The following ZBTB7C variants were observed in gnomAD, a reference collection of about 807,000 sequenced individuals.
ZBTB7C encodes zinc finger and BTB domain containing 7C, also known as zinc finger and BTB domain-containing protein 7C.
In ZBTB7C, 8 loss-of-function variants were observed where a neutral mutation model predicts 25.7. The ratio of observed to expected loss-of-function variants is 0.31; its 90% CI spans 0.18 to 0.56. The LOEUF is 0.56. Ranked by LOEUF, ZBTB7C falls within the 20% of genes least tolerant of loss-of-function variation. The probability of loss-of-function intolerance (pLI) is 0.91; values close to 1 mark genes in which losing one functional copy is unlikely to be tolerated. For missense variants in ZBTB7C, 824 were observed against 855.2 expected (o/e 0.96, Z 0.46); for synonymous variants, 394 against 369.0 (o/e 1.07, Z -0.78).
chr18:48,243,382 C>T (rs1191017593), intron 2 of ZBTB7C, among the ~76,000 whole-genome samples: 1 of 151,486 alleles, frequency 6.6e-6, no homozygotes, highest in Non-Finnish European at 1.5e-5. Context: ...CAACAGTGAC[C>T]AAGTTGAGAA....
Position 48,040,798 on chromosome 18 carries a change from C to T in ZBTB7C, c.310G>A (p.Val104Ile). ...TSTLTITAGN[V>I]KHILNAARML... is the part of the protein sequence containing the mutation. The stretch of plus-strand genomic sequence containing the variant: ...CTGGCTGCGTTGAGGATGTGCTTGA[C>T]ATTGCCAGCGGTGATGGTGAGCGTG... The change falls in exon 4 of 5, where the codon GTC becomes ATC. Residue 104 changes from valine (V) to isoleucine (I), a missense_variant. By Grantham distance (29) the Val-to-Ile change is conservative. Coordinates refer to ENST00000590800, the MANE Select transcript of ZBTB7C (RefSeq NM_001318841.2). The T allele has an allele frequency of 6.2e-7, 1 of 1,614,056 alleles. No homozygotes were observed. The highest frequency in any genetic ancestry group is 2.2e-5 in the East Asian group (1 of 44,860).
chr18:48,063,270 C>T (rs1264491544), intron 3 of ZBTB7C, among the ~76,000 whole-genome samples: 1 of 152,244 alleles, frequency 6.6e-6, no homozygotes, highest in Non-Finnish European at 1.5e-5. Flanking sequence ...GATCATGTGA[C>T]ATCAGCTCCA....
chr18:48,136,906 G>T, intron 3 of ZBTB7C: 1 of 938,618 alleles, frequency 1.1e-6, no homozygotes, highest in Non-Finnish European at 1.3e-6. Context: ...CCGGCCGCCC[G>T]GAAGGGCTTC....
chr18:48,338,634 C>T (rs759172797), intron 1 of ZBTB7C, among the ~76,000 whole-genome samples: 8 of 152,140 alleles, frequency 5.3e-5, no homozygotes, highest in East Asian at 3.9e-4. Flanking sequence ...TGCACACACA[C>T]GCCCTTCATT....
chr18:48,046,427 T>C (rs2036471501), intron 3 of ZBTB7C, among the ~76,000 whole-genome samples: 1 of 152,220 alleles, frequency 6.6e-6, no homozygotes, highest in African/African-American at 2.4e-5. Context: ...GAAAAGACTG[T>C]GTGTAAATGA....
intron 3 of ZBTB7C, among the ~76,000 whole-genome samples, chr18:48,066,662 A>G (rs1178204640): frequency 6.6e-6 from 1 of 152,142 alleles, no homozygotes; most frequent in African/African-American, 2.4e-5. Context: ...TGTTCCTGAG[A>G]TCTTCAAATG....
intron 2 of ZBTB7C, among the ~76,000 whole-genome samples, chr18:48,237,627 T>C (rs1348757219): frequency 1.3e-5 from 2 of 151,826 alleles, no homozygotes; most frequent in Non-Finnish European, 1.5e-5. Flanking sequence ...TTTGCTTCCT[T>C]GTGGGAGCAT....
At chr18:48,315,701 AG>A (rs35001468) in intron 2 of ZBTB7C, among the ~76,000 whole-genome samples, 1 of 152,122 alleles carries the variant, frequency 6.6e-6, no homozygotes, top group Non-Finnish European at 1.5e-5. Flanking sequence ...CAGCCTCTCC[AG>A]GGGGCTGCAC....
intron 3 of ZBTB7C, chr18:48,041,428 A>C (rs2144162398): frequency 1.0e-6 from 1 of 985,464 alleles, no homozygotes; most frequent in Non-Finnish European, 1.2e-6. Context: ...CACTTTGCCA[A>C]CATGCAGTTG....
intron 2 of ZBTB7C, among the ~76,000 whole-genome samples, chr18:48,281,374 C>A (rs1198787548): frequency 6.6e-6 from 1 of 152,138 alleles, no homozygotes; most frequent in African/African-American, 2.4e-5. Context: ...AAAACCTAGG[C>A]ATTACCATTC....
At chr18:48,170,177 C>T (rs1452028595) in intron 3 of ZBTB7C, among the ~76,000 whole-genome samples, 1 of 152,264 alleles carries the variant, frequency 6.6e-6, no homozygotes, top group Admixed American at 6.5e-5. Context: ...CTGCCTTCCA[C>T]TATATCACCA....
chr18:48,239,771 C>T (rs766361730), intron 2 of ZBTB7C, among the ~76,000 whole-genome samples: 5 of 152,048 alleles, frequency 3.3e-5, no homozygotes, highest in African/African-American at 9.7e-5. Flanking sequence ...GATAAGAAAC[C>T]GGAAAAGTAA....
chr18:48,126,212 T>C (rs2039794140), intron 3 of ZBTB7C, among the ~76,000 whole-genome samples: 1 of 152,236 alleles, frequency 6.6e-6, no homozygotes, highest in Non-Finnish European at 1.5e-5. Context: ...AAAAAATCCA[T>C]TATGAGATAA....
At chr18:48,099,203 G>C (rs1456903952) in intron 3 of ZBTB7C, among the ~76,000 whole-genome samples, 1 of 152,186 alleles carries the variant, frequency 6.6e-6, no homozygotes, top group Non-Finnish European at 1.5e-5. Context: ...CCTATAAAGT[G>C]CTTTATTAAT....
intron 3 of ZBTB7C, among the ~76,000 whole-genome samples, chr18:48,044,166 T>C (rs2036375042): frequency 6.6e-6 from 1 of 152,224 alleles, no homozygotes; most frequent in Non-Finnish European, 1.5e-5. Context: ...CACTTCTGCA[T>C]TTCTCTGGGG....
chr18:48,347,320 T>C (rs2046763042), intron 1 of ZBTB7C, among the ~76,000 whole-genome samples: 1 of 151,020 alleles, frequency 6.6e-6, no homozygotes, highest in African/African-American at 2.4e-5. Flanking sequence ...ATTATAGGCG[T>C]GAGCCACCAC....
intron 2 of ZBTB7C, among the ~76,000 whole-genome samples, chr18:48,221,211 T>A (rs2042945411): frequency 6.7e-6 from 1 of 150,034 alleles, no homozygotes; most frequent in Non-Finnish European, 1.5e-5. Flanking sequence ...TCTCCCTCTA[T>A]ACTATCCTTG....
intron 3 of ZBTB7C, among the ~76,000 whole-genome samples, chr18:48,090,961 C>T (rs914081122): frequency 6.6e-6 from 1 of 151,980 alleles, no homozygotes; most frequent in African/African-American, 2.4e-5. Flanking sequence ...CACTGTGAGC[C>T]ACCTATGCAA....
At chr18:48,051,380 C>T (rs946725490) in intron 3 of ZBTB7C, among the ~76,000 whole-genome samples, 2 of 152,118 alleles carry the variant, frequency 1.3e-5, no homozygotes, top group African/African-American at 4.8e-5. Context: ...TCAGTCACAC[C>T]TAGAGGACCC....
Sources: allele counts gnomAD v4.1 joint callset (sites outside exome capture counted in the v4.1 genomes callset), GRCh38; gene constraint gnomAD v4.1.1; transcripts MANE v1.5; gene names NCBI Gene and HGNC (gene_info 2026-07-23, HGNC 2026-07-21).